Variants in MCTP2 observed in about 807,000 individuals in gnomAD.
MCTP2 encodes multiple C2 and transmembrane domain-containing protein 2.
A neutral mutation model predicts 111.6 loss-of-function variants in MCTP2; 132 were observed. The ratio of observed to expected loss-of-function variants is 1.18; its 90% CI spans 1.03 to 1.37. MCTP2 has a LOEUF of 1.37. MCTP2 is among the 40% of genes most tolerant of loss of function. MCTP2 has a pLI of 0.00. For missense variants in MCTP2, 1,183 were observed against 1,067.9 expected, an observed-to-expected ratio of 1.11 and a Z score of -1.50; for synonymous variants, 395 against 387.7, an observed-to-expected ratio of 1.02 and a Z score of -0.22.
intron 2 of MCTP2, among the ~76,000 whole-genome samples, chr15:94,310,110 A>G (rs59909646): frequency 0.24 from 36,312 of 152,194 alleles, 5,871 homozygotes; most frequent in African/African-American, 0.44. Context: ...TAGATAGTAC[A>G]TCCCCAGGAT....
intron 11 of MCTP2, among the ~76,000 whole-genome samples, chr15:94,368,001 A>G (rs937221330): frequency 1.1e-4 from 17 of 152,244 alleles, no homozygotes; most frequent in Admixed American, 2.0e-4. Context: ...TGGTTTTGCT[A>G]TTTTGAAAGG....
rs555480606 is a variant in MCTP2 at position 94,478,499 on chromosome 15, G to A, written c.2569-467G>A. Among the ~76,000 whole-genome samples, 26 of 152,292 alleles carry A rather than the reference G, an allele frequency of 1.7e-4. 1 individual carries two copies. The highest frequency in any genetic ancestry group is 8.3e-4 in the South Asian group (4 of 4,826). The stretch of plus-strand genomic sequence containing the variant: ...CCACGAGAAATCTATATAAAAGTCT[G>A]GGGTCCAGTATCAATTTCAGCATTT... On this transcript the variant is annotated intron_variant, in intron 22 of 22. Coordinates refer to ENST00000357742, the MANE Select transcript of MCTP2 (RefSeq NM_001385001.1).
chr15:94,470,143 T>G (rs974194429), intron 20 of MCTP2, among the ~76,000 whole-genome samples, 190 bp from the exon 21 acceptor site: 2 of 152,206 alleles, frequency 1.3e-5, no homozygotes, highest in African/African-American at 4.8e-5. Flanking sequence ...TTTGTGACTG[T>G]CCTTTTAAGA....
At chr15:94,245,617 C>T (rs1358697721) in intron 1 of MCTP2, among the ~76,000 whole-genome samples, 4 of 141,334 alleles carry the variant, frequency 2.8e-5, no homozygotes, top group South Asian at 2.2e-4. Flanking sequence ...TACATATGTA[C>T]ATGTATATAT....
intron 17 of MCTP2, among the ~76,000 whole-genome samples, chr15:94,437,128 AT>A (rs2083518447): frequency 6.9e-6 from 1 of 144,954 alleles, no homozygotes; most frequent in Admixed American, 7.0e-5. Context: ...TCCAAAAAGT[AT>A]TTCAAAAATT....
At chr15:94,368,599 A>G (rs971448924) in intron 11 of MCTP2, among the ~76,000 whole-genome samples, 2 of 151,730 alleles carry the variant, frequency 1.3e-5, no homozygotes, top group Non-Finnish European at 2.9e-5. Context: ...TGATTAATTG[A>G]ATAATTCTGT....
At chr15:94,284,191 G>C (rs1878000289) in intron 1 of MCTP2, among the ~76,000 whole-genome samples, 1 of 152,204 alleles carries the variant, frequency 6.6e-6, no homozygotes, top group African/African-American at 2.4e-5. Context: ...GACAGGATAA[G>C]TCTCTCTTGT....
At chr15:94,427,681 T>C (rs1195765581) in intron 17 of MCTP2, among the ~76,000 whole-genome samples, 1 of 152,008 alleles carries the variant, frequency 6.6e-6, no homozygotes, top group Non-Finnish European at 1.5e-5. Context: ...CCAAACCATA[T>C]CAACAAGGAA....
At chr15:94,395,123 C>T (rs985314607) in intron 14 of MCTP2, among the ~76,000 whole-genome samples, 1 of 152,096 alleles carries the variant, frequency 6.6e-6, no homozygotes, top group African/African-American at 2.4e-5. Context: ...GAATGGATAC[C>T]GAGTAAAGTG....
intron 1 of MCTP2, among the ~76,000 whole-genome samples, chr15:94,289,013 G>A (rs74030927): frequency 0.013 from 2,014 of 152,214 alleles, 38 homozygotes; most frequent in African/African-American, 0.046. Flanking sequence ...TAGAGTCTCC[G>A]GGATTATAGA....
intron 20 of MCTP2, among the ~76,000 whole-genome samples, chr15:94,468,418 TATAAATCAATTTTCTTAA>T (rs11272788): frequency 0.91 from 137,293 of 151,294 alleles, 62,463 homozygotes; most frequent in African/African-American, 0.96. Context: ...TCAGTTTGCT[TATAAATCAATTTTCTTAA>T]ATAAATCAAT....
chr15:94,339,493 A>C, intron 5 of MCTP2, 61 bp downstream of exon 5: 32 of 1,434,470 alleles, frequency 2.2e-5, no homozygotes, highest in Middle Eastern at 1.9e-4. Context: ...GCAGTTTCTC[A>C]TGTCCTCTTA....
At chr15:94,420,892 C>A (rs1341067377) in intron 17 of MCTP2, among the ~76,000 whole-genome samples, 2 of 152,120 alleles carry the variant, frequency 1.3e-5, no homozygotes, top group African/African-American at 4.8e-5. Flanking sequence ...TGTCAAAGAG[C>A]ATCACATGCT....
At chr15:94,407,650 C>T (rs2081965203) in intron 17 of MCTP2, among the ~76,000 whole-genome samples, 1 of 152,020 alleles carries the variant, frequency 6.6e-6, no homozygotes, top group East Asian at 1.9e-4. Context: ...CCATATTTAA[C>T]ATATATAGAA....
intron 12 of MCTP2, among the ~76,000 whole-genome samples, chr15:94,379,892 T>G (rs998137046): frequency 7.5e-5 from 11 of 146,532 alleles, no homozygotes; most frequent in Non-Finnish European, 1.6e-4. Context: ...ATATATAATA[T>G]ATATGATATA....
At chr15:94,311,953 A>T (rs2076162439) in intron 2 of MCTP2, among the ~76,000 whole-genome samples, 1 of 152,214 alleles carries the variant, frequency 6.6e-6, no homozygotes, top group South Asian at 2.1e-4. Flanking sequence ...TCCATTTGAA[A>T]GTAGAAGATA....
At chr15:94,327,594 ATTG>A (rs1336060156) in intron 4 of MCTP2, among the ~76,000 whole-genome samples, 2 of 152,228 alleles carry the variant, frequency 1.3e-5, no homozygotes, top group African/African-American at 4.8e-5. Flanking sequence ...TATCAGAAAA[ATTG>A]TTGTTCAAGA....
At position 94,479,163 on chromosome 15, in the gene MCTP2, T is replaced by TC. The variant is rs1331414802; in HGVS notation, c.*131dup. The TC allele has an allele frequency of 2.8e-5, 23 of 822,066 alleles. No individual in the cohort carries two copies. Among genetic ancestry groups the TC allele is most frequent in the Non-Finnish European group, 3.7e-5 (18 of 482,314 alleles). The allele number at this position is 822,066 out of a possible 1,614,324, so 50.9% of individuals were successfully genotyped here. A position where few individuals can be genotyped will look rare whatever the true frequency, so the allele number is the denominator to read the frequency against. On this transcript the variant is annotated 3_prime_UTR_variant, in exon 23 of 23. Coordinates refer to ENST00000357742, the MANE Select transcript of MCTP2 (RefSeq NM_001385001.1). Reference sequence around the variant, plus strand: ...TGCCCTGTGGCACCCTCTGTATACTTCCTCCTCCTTCACGTGCACAGACAT... The same window carrying TC: ...TGCCCTGTGGCACCCTCTGTATACTTCCCTCCTCCTTCACGTGCACAGACAT...
At chr15:94,420,241 A>G (rs2082561596) in intron 17 of MCTP2, among the ~76,000 whole-genome samples, 1 of 152,202 alleles carries the variant, frequency 6.6e-6, no homozygotes, top group Non-Finnish European at 1.5e-5. Flanking sequence ...ATCACTGCTC[A>G]TCGAACATGT....
Sources: allele counts gnomAD v4.1 joint callset (sites outside exome capture counted in the v4.1 genomes callset), GRCh38; gene constraint gnomAD v4.1.1; transcripts MANE v1.5; gene names NCBI Gene and HGNC (gene_info 2026-07-23, HGNC 2026-07-21).